The following PTPN13 variants were observed in gnomAD, a reference collection of about 807,000 sequenced individuals.
The protein encoded by PTPN13 is tyrosine-protein phosphatase non-receptor type 13.
Under a neutral mutation model 284.0 loss-of-function variants are expected in PTPN13, and 191 were observed. The ratio of observed to expected loss-of-function variants is 0.67; its 90% confidence interval spans 0.60 to 0.76. The LOEUF is 0.76. Ranked by LOEUF, PTPN13 falls within the 30% of genes least tolerant of loss-of-function variation. PTPN13 has a pLI of 0.00. For synonymous variants in PTPN13, 986 were observed against 1,022.3 expected, an observed-to-expected ratio of 0.96 and a Z score of 0.68; for missense variants, 2,797 against 2,939.9, an observed-to-expected ratio of 0.95 and a Z score of 1.12.
chr4:86,804,741 T>G (rs879447853), intron 43 of PTPN13, among the ~76,000 whole-genome samples: 2 of 152,218 alleles, frequency 1.3e-5, no homozygotes, highest in Admixed American at 6.5e-5. Context: ...AGAGCCAAAA[T>G]CTTATCTTCT....
intron 2 of PTPN13, among the ~76,000 whole-genome samples, chr4:86,670,870 G>A (rs1475576600): frequency 2.6e-5 from 4 of 152,118 alleles, no homozygotes; most frequent in Non-Finnish European, 2.9e-5. Context: ...TGTAAAATAC[G>A]ACAACATATA....
intron 42 of PTPN13, 50 bp from the exon 43 acceptor site, chr4:86,803,659 G>A (rs879484183): frequency 6.3e-7 from 1 of 1,585,412 alleles, no homozygotes; most frequent in African/African-American, 1.3e-5. Flanking sequence ...AGTTCACTTA[G>A]TTAAATTGGT....
chr4:86,808,220 T>C (rs1744856355), intron 45 of PTPN13, among the ~76,000 whole-genome samples: 1 of 152,254 alleles, frequency 6.6e-6, no homozygotes, highest in Non-Finnish European at 1.5e-5. Context: ...TGTGTTTTTA[T>C]GGTCAGACCT....
chr4:86,785,441 A>G, intron 39 of PTPN13, 73 bp downstream of exon 39: 1 of 1,296,960 alleles, frequency 7.7e-7, no homozygotes, highest in Non-Finnish European at 1.1e-6. Flanking sequence ...TTTTTGAGTA[A>G]ATATGTAATG....
At chr4:86,639,154 A>G (rs1458292170) in intron 2 of PTPN13, among the ~76,000 whole-genome samples, 8 of 151,316 alleles carry the variant, frequency 5.3e-5, no homozygotes, top group Admixed American at 3.3e-4. Flanking sequence ...TTAGAATGGC[A>G]ATCATTAAAA....
At chr4:86,678,258 A>G (rs887079506) in intron 3 of PTPN13, among the ~76,000 whole-genome samples, 1 of 152,172 alleles carries the variant, frequency 6.6e-6, no homozygotes, top group Non-Finnish European at 1.5e-5. Context: ...GGAAATACCG[A>G]AAGAAAAGAG....
At position 86,685,702 on chromosome 4, in the gene PTPN13, A is replaced by G. The variant is rs142856077; in HGVS notation, c.295-1008A>G. On this transcript the variant is annotated intron_variant, in intron 3 of 47. Coordinates refer to ENST00000411767, the MANE Select transcript of PTPN13 (RefSeq NM_080683.3). ...AACGCCAAGTCTTTGTAATACCTCT[A>G]TGGAAAAGGTTTGTGAAAAACTCTT... Among the ~76,000 whole-genome samples the G allele has an allele frequency of 3.2e-4, 49 of 152,232 alleles. No individual in the cohort carries two copies. The East Asian group carries it at 8.9e-3, about 28-fold the overall frequency.
chr4:86,741,542 G>C, intron 15 of PTPN13, 92 bp from the exon 16 acceptor site: 1 of 1,125,908 alleles, frequency 8.9e-7, no homozygotes, highest in Non-Finnish European at 1.3e-6. Context: ...AGATTTGTGG[G>C]GGGACACGGC....
At position 86,670,098 on chromosome 4, in the gene PTPN13, G is replaced by C. The variant is rs1005940092; in HGVS notation, c.116-2267G>C. On this transcript the variant is annotated intron_variant, in intron 2 of 47. Coordinates refer to ENST00000411767, the MANE Select transcript of PTPN13 (RefSeq NM_080683.3). The stretch of plus-strand genomic sequence containing the variant: ...AGAATCTGGAAAAAAATAAAAAACC[G>C]AGAAGGCGCAGTCTTTGTGTTTGAG... 2.0e-5 allele frequency among the ~76,000 whole-genome samples: 3 copies of C among 150,614 alleles called. No homozygotes were observed. The Admixed American group carries it at 2.0e-4, about 10-fold the overall frequency.
At chr4:86,686,394 C>A (rs536592964) in intron 3 of PTPN13, among the ~76,000 whole-genome samples, 183 of 152,016 alleles carry the variant, frequency 1.2e-3, no homozygotes, top group Non-Finnish European at 2.2e-3. Flanking sequence ...TTTAAGGTTT[C>A]TGACCTTTTA....
At chr4:86,661,209 T>A (rs979032890) in intron 2 of PTPN13, 1 of 364,038 alleles carries the variant, frequency 2.7e-6, no homozygotes, top group Non-Finnish European at 5.3e-6. Context: ...ATTTGCCTGG[T>A]TTTGGACATC....
At chr4:86,706,231 T>G (rs991997951) in intron 7 of PTPN13, among the ~76,000 whole-genome samples, 1 of 152,176 alleles carries the variant, frequency 6.6e-6, no homozygotes. Context: ...AGCCATATTT[T>G]GAATCCCAGT....
chr4:86,623,961 T>C (rs991804844), intron 1 of PTPN13, among the ~76,000 whole-genome samples: 10 of 152,204 alleles, frequency 6.6e-5, no homozygotes, highest in African/African-American at 2.4e-4. Context: ...GTTATTTTTG[T>C]CTAGTTTATT....
Position 86,701,367 on chromosome 4 carries a change from A to C in PTPN13, c.761A>C (p.Tyr254Ser), listed in dbSNP as rs1396148641. 6.2e-7 allele frequency: 1 copy of C among 1,613,176 alleles called. No homozygotes were observed. Among genetic ancestry groups the C allele is most frequent in the Admixed American group, 1.7e-5 (1 of 59,962 alleles). Residue 254 changes from tyrosine (Y) to serine (S), a missense_variant, in exon 7 of 48, where the codon TAT becomes TCT. By Grantham distance (144) the Tyr-to-Ser change is moderately radical. Transcript: ENST00000411767. ...ATCAAAGATACACAAGATGAGAATT[A>C]TTTCAAGGACATTTTATCAGATAAT... ...LSIKDTQDEN[Y>S]FKDILSDNSG... is the part of the protein sequence containing the mutation.
chr4:86,689,718 G>T, intron 5 of PTPN13: 1 of 702,334 alleles, frequency 1.4e-6, no homozygotes, highest in South Asian at 1.5e-5. Context: ...ATTTCCCCAA[G>T]ACCTGGACTC....
intron 5 of PTPN13, 72 bp from the exon 6 acceptor site, chr4:86,693,515 C>T (rs1412555835): frequency 1.1e-6 from 1 of 941,506 alleles, no homozygotes; most frequent in East Asian, 2.7e-5. Context: ...TAGTGTCATT[C>T]TGTAAACAGT....
At chr4:86,711,311 C>T (rs1406172078) in intron 7 of PTPN13, among the ~76,000 whole-genome samples, 1 of 151,852 alleles carries the variant, frequency 6.6e-6, no homozygotes, top group African/African-American at 2.4e-5. Flanking sequence ...AACATGATGG[C>T]CCAAATCTTA....
chr4:86,618,814 A>G (rs901770243), intron 1 of PTPN13, among the ~76,000 whole-genome samples: 2 of 152,190 alleles, frequency 1.3e-5, no homozygotes, highest in Non-Finnish European at 1.5e-5. Context: ...TTATCAGCTT[A>G]AGGAGATTTT....
At chr4:86,693,117 T>C (rs1015717678) in intron 5 of PTPN13, among the ~76,000 whole-genome samples, 2 of 150,780 alleles carry the variant, frequency 1.3e-5, no homozygotes, top group African/African-American at 4.9e-5. Context: ...ACAAATGTAA[T>C]TTCTGAAGGG....
Sources: allele counts gnomAD v4.1 joint callset (sites outside exome capture counted in the v4.1 genomes callset), GRCh38; gene constraint gnomAD v4.1.1; transcripts MANE v1.5; gene names NCBI Gene and HGNC (gene_info 2026-07-23, HGNC 2026-07-21).